Variants in MYO3B observed in about 807,000 individuals in gnomAD.
The protein encoded by MYO3B is myosin IIIB.
MYO3B carries 156 observed loss-of-function variants against 174.6 expected under a neutral mutation model. That is an observed-to-expected ratio of 0.89 (90% CI 0.78 to 1.02). The LOEUF is 1.02. Ranked by LOEUF, MYO3B falls within the 50% of genes least tolerant of loss-of-function variation. The probability of loss-of-function intolerance (pLI) is 0.00; values close to 1 mark genes in which losing one functional copy is unlikely to be tolerated. For missense variants in MYO3B, 1,632 were observed against 1,639.4 expected, an observed-to-expected ratio of 1.00 and a Z score of 0.08; for synonymous variants, 563 against 569.1, an observed-to-expected ratio of 0.99 and a Z score of 0.15.
intron 6 of MYO3B, among the ~76,000 whole-genome samples, chr2:170,230,651 T>C (rs2093005839): frequency 6.6e-6 from 1 of 152,158 alleles, no homozygotes. Flanking sequence ...AATTCGCTTC[T>C]TTCTATTATA....
intron 30 of MYO3B, among the ~76,000 whole-genome samples, chr2:170,529,685 C>G (rs76354767): frequency 2.0e-5 from 3 of 152,220 alleles, no homozygotes; most frequent in East Asian, 3.9e-4. Context: ...TGAGTTTCTG[C>G]CCAAAAGACC....
intron 2 of MYO3B, 68 bp downstream of exon 2, chr2:170,199,459 T>C: frequency 8.2e-7 from 1 of 1,222,864 alleles, no homozygotes; most frequent in Middle Eastern, 2.0e-4. Flanking sequence ...CAACTTCTTT[T>C]CTTGATTTTA....
At chr2:170,591,322 T>C (rs1234187473) in intron 32 of MYO3B, among the ~76,000 whole-genome samples, 1 of 152,204 alleles carries the variant, frequency 6.6e-6, no homozygotes, top group African/African-American at 2.4e-5. Context: ...GGTGTCTGTA[T>C]TAAAGGTTCA....
chr2:170,231,629 C>T (rs191437187), intron 6 of MYO3B, among the ~76,000 whole-genome samples: 2 of 152,342 alleles, frequency 1.3e-5, no homozygotes, highest in Admixed American at 6.5e-5. Flanking sequence ...ATTGCTCTGT[C>T]GCTGAAGCTC....
intron 23 of MYO3B, among the ~76,000 whole-genome samples, chr2:170,449,079 T>C (rs1683429036): frequency 6.6e-6 from 1 of 152,232 alleles, no homozygotes; most frequent in South Asian, 2.1e-4. Context: ...GAGTGAATTT[T>C]CCTCCTCTGA....
intron 25 of MYO3B, among the ~76,000 whole-genome samples, chr2:170,488,268 G>T (rs1029505961): frequency 7.2e-6 from 1 of 139,694 alleles, no homozygotes; most frequent in Non-Finnish European, 1.5e-5. Flanking sequence ...TAGAAAAGTA[G>T]CAGTGGTTTT....
intron 32 of MYO3B, among the ~76,000 whole-genome samples, chr2:170,625,617 G>C (rs959488359): frequency 6.6e-6 from 1 of 152,046 alleles, no homozygotes; most frequent in African/African-American, 2.4e-5. Flanking sequence ...GTTTGCTCTT[G>C]CCTCGCTAGT....
intron 22 of MYO3B, chr2:170,411,625 CA>C (rs1347431604): frequency 2.0e-5 from 3 of 152,212 alleles, no homozygotes; most frequent in African/African-American, 7.2e-5. Flanking sequence ...TTGAGAGGAT[CA>C]ACCTCGGTGT....
chr2:170,306,317 G>A (rs920441289), intron 7 of MYO3B, among the ~76,000 whole-genome samples: 6 of 152,178 alleles, frequency 3.9e-5, no homozygotes, highest in African/African-American at 1.2e-4. Context: ...CAGATTCAAG[G>A]AGTGAGGGCA....
intron 32 of MYO3B, among the ~76,000 whole-genome samples, chr2:170,565,188 G>T (rs773234867): frequency 1.3e-5 from 2 of 152,196 alleles, no homozygotes; most frequent in Non-Finnish European, 2.9e-5. Context: ...TACATGGGCT[G>T]TCAAGAATAC....
intron 32 of MYO3B, chr2:170,647,027 TTAATA>T (rs1259451917): frequency 1.4e-6 from 1 of 725,022 alleles, no homozygotes; most frequent in African/African-American, 1.9e-5. Context: ...ACGTTTTACT[TTAATA>T]TAATTAAACG....
intron 19 of MYO3B, 112 bp from the exon 20 acceptor site, chr2:170,404,135 T>C: frequency 9.4e-7 from 1 of 1,058,996 alleles, no homozygotes; most frequent in Non-Finnish European, 1.4e-6. Context: ...AAACATATCC[T>C]GCTTTCCACA....
intron 7 of MYO3B, among the ~76,000 whole-genome samples, chr2:170,262,889 G>A (rs2093355751): frequency 1.3e-5 from 2 of 152,246 alleles, no homozygotes; most frequent in South Asian, 2.1e-4. Flanking sequence ...ATCTGTCGTA[G>A]CACCTAGCAC....
At chr2:170,312,412 C>T (rs1055050435) in intron 7 of MYO3B, among the ~76,000 whole-genome samples, 1 of 152,236 alleles carries the variant, frequency 6.6e-6, no homozygotes, top group Admixed American at 6.5e-5. Context: ...CAGCTCCTGG[C>T]TTTTAGTAGG....
At chr2:170,390,695 C>T (rs1245993205) in intron 14 of MYO3B, among the ~76,000 whole-genome samples, 1 of 152,184 alleles carries the variant, frequency 6.6e-6, no homozygotes, top group Non-Finnish European at 1.5e-5. Flanking sequence ...ACAGAAGAGA[C>T]TGTCCTCCTC....
At chr2:170,652,772 A>G (rs909041730) in intron 34 of MYO3B, among the ~76,000 whole-genome samples, 1 of 152,116 alleles carries the variant, frequency 6.6e-6, no homozygotes, top group Non-Finnish European at 1.5e-5. Flanking sequence ...TGGACCCACT[A>G]TCAGTGCACG....
intron 32 of MYO3B, among the ~76,000 whole-genome samples, chr2:170,597,588 A>G (rs569350626): frequency 6.6e-6 from 1 of 152,060 alleles, no homozygotes; most frequent in Admixed American, 6.6e-5. Context: ...CTTCCAGTGA[A>G]TTTCCTTTTT....
intron 8 of MYO3B, 43 bp downstream of exon 8, chr2:170,335,493 T>C (rs2093941234): frequency 1.4e-6 from 2 of 1,465,792 alleles, no homozygotes; most frequent in East Asian, 4.5e-5. Flanking sequence ...TAGCAAGGCC[T>C]TGAGCAGTGA....
At chr2:170,399,278 G>A (rs2094460467) in intron 16 of MYO3B, among the ~76,000 whole-genome samples, 3 of 99,090 alleles carry the variant, frequency 3.0e-5, no homozygotes, top group African/African-American at 9.2e-5. Flanking sequence ...AGAGAGACCA[G>A]TCTGGCCAAC....
Sources: allele counts gnomAD v4.1 joint callset (sites outside exome capture counted in the v4.1 genomes callset), GRCh38; gene constraint gnomAD v4.1.1; transcripts MANE v1.5; gene names NCBI Gene and HGNC (gene_info 2026-07-23, HGNC 2026-07-21).